Variants in ASGR1 observed in about 807,000 individuals in gnomAD.
ASGR1 encodes asialoglycoprotein receptor 1, also known as C-type lectin domain family 4 member H1.
ASGR1 carries 35 observed loss-of-function variants against 33.1 expected under a neutral mutation model. The observed-to-expected ratio is 1.06, with a 90% CI of 0.81 to 1.40. The LOEUF is 1.40. ASGR1 is among the 40% of genes most tolerant of loss of function. The pLI is 0.00. For synonymous variants in ASGR1, 142 were observed against 152.5 expected (o/e 0.93, Z 0.51); for missense variants, 396 against 373.7 (o/e 1.06, Z -0.49).
intron 5 of ASGR1, among the ~76,000 whole-genome samples, chr17:7,175,252 C>T (rs1274383694): frequency 6.7e-6 from 1 of 150,178 alleles, no homozygotes; most frequent in Non-Finnish European, 1.5e-5. Context: ...CCACAACATA[C>T]ACCCTCACAC....
intron 5 of ASGR1, 156 bp downstream of exon 5, chr17:7,176,674 A>C: frequency 1.8e-6 from 2 of 1,116,634 alleles, no homozygotes; most frequent in East Asian, 2.6e-5. Flanking sequence ...CACACCCAAA[A>C]CACACTCCCC....
chr17:7,173,985 C>T lies in ASGR1; in HGVS notation c.677G>A (p.Gly226Glu), dbSNP rs2069164300. The T allele has an allele frequency of 6.2e-7, 1 of 1,614,230 alleles. No homozygotes were observed. ...CTTGAAGCCCGTCTCGTAGTCCGTC[C>T]CGTCCACCCACTTCCAGGGCCCGTT... is the stretch of plus-strand genomic sequence containing the variant. ...DQNGPWKWVD[G>E]TDYETGFKNW... is the part of the protein sequence containing the mutation. The change falls in exon 8 of 9, where the codon GGG becomes GAG. Residue 226 changes from glycine (G) to glutamate (E), a missense_variant. Transcript: ENST00000269299. This position sits in a 1 kb window ranked among gnomAD's most constrained non-coding sequence, Gnocchi z 4.7.
intron 2 of ASGR1, chr17:7,178,271 G>A: frequency 1.8e-6 from 1 of 563,266 alleles, no homozygotes. Context: ...CGAGGGCCAG[G>A]AGGCACAGGA....
intron 5 of ASGR1, 49 bp from the exon 6 acceptor site, chr17:7,174,509 G>A (rs2069171723): frequency 1.3e-6 from 2 of 1,570,586 alleles, no homozygotes; most frequent in Admixed American, 1.9e-5. Flanking sequence ...GAAACCACGG[G>A]GAGGGAAACG....
chr17:7,178,622 G>A (rs1156788249), intron 1 of ASGR1, 34 bp from the exon 2 acceptor site: 14 of 1,514,988 alleles, frequency 9.2e-6, no homozygotes, highest in Non-Finnish European at 1.2e-5. Context: ...CTGAGGTGGG[G>A]GCTCACCAGG....
chr17:7,176,241 A>C lies in ASGR1; in HGVS notation c.355+589T>G, dbSNP rs1206270835. 2.2e-5 allele frequency among the ~76,000 whole-genome samples: 3 copies of C among 139,142 alleles called. No individual in the cohort carries two copies. The East Asian group carries it at 6.4e-4, about 30-fold the overall frequency. 91.3% of individuals were successfully genotyped at this position (139,142 alleles called of 152,430 possible). On this transcript the variant is annotated intron_variant, in intron 5 of 8. Coordinates refer to ENST00000269299, the MANE Select transcript of ASGR1 (RefSeq NM_001671.5). ...CACAAACACACACACACTCACAGACACACACACCCCATCTCATTCTCACAC... is the reference window on the plus strand; with the variant it reads ...CACAAACACACACACACTCACAGACCCACACACCCCATCTCATTCTCACAC...
At chr17:7,176,238 GACAC>G (rs558963395) in intron 5 of ASGR1, among the ~76,000 whole-genome samples, 174 of 85,374 alleles carry the variant, frequency 2.0e-3, no homozygotes, top group Middle Eastern at 0.012. Context: ...CACACTCACA[GACAC>G]ACACACCCCA....
rs775349405 is a variant in ASGR1 at position 7,176,856 on chromosome 17, T to C, written c.329A>G (p.Glu110Gly). 14 of 1,612,788 alleles carry C rather than the reference T, an allele frequency of 8.7e-6. No individual in the cohort carries two copies. The highest frequency in any genetic ancestry group is 1.1e-5 in the Non-Finnish European group (13 of 1,179,960). Residue 110 changes from glutamate to glycine, a missense_variant, in exon 5 of 9, where the codon GAG (glutamate) becomes GGG (glycine). By Grantham distance (98) the Glu-to-Gly change is moderately conservative. Transcript: ENST00000269299. The part of the protein sequence containing the change: ...RKMKSLESQL[E>G]KQQKDLSEDH... ...TTCACTCAGGTCCTTCTGCTGTTTC[T>C]CCAGCTGGGACTCTAGCGACTTCAT...
chr17:7,176,778 ATT>A, intron 5 of ASGR1, 50 bp downstream of exon 5: 1 of 1,576,330 alleles, frequency 6.3e-7, no homozygotes, highest in Non-Finnish European at 8.6e-7. Context: ...ACATCCACAC[ATT>A]CTCACTCTCT....
chr17:7,178,539 G>C lies in ASGR1; in HGVS notation c.25C>G (p.Gln9Glu), dbSNP rs945575966. 8.7e-6 allele frequency: 14 copies of C among 1,614,034 alleles called. No homozygotes were observed. Among genetic ancestry groups the C allele is most frequent in the Non-Finnish European group, 1.2e-5 (14 of 1,179,986 alleles). The stretch of plus-strand genomic sequence containing the variant: ...TCACTCTCCTCATTGTCCAGATGCT[G>C]AAGGTCTTGATACTCCTTGGTCATG... The part of the protein sequence containing the change: MTKEYQDL[Q>E]HLDNEESDHH... The change falls in exon 2 of 9, where the codon CAG becomes GAG. Residue 9 changes from glutamine to glutamate, a missense_variant. Gln to Glu is a conservative substitution (Grantham distance 29, BLOSUM62 2). Coordinates refer to ENST00000269299, the MANE Select transcript of ASGR1 (RefSeq NM_001671.5).
intron 2 of ASGR1, chr17:7,177,629 T>G: frequency 3.3e-6 from 1 of 298,864 alleles, no homozygotes. Context: ...GTCCACCCCC[T>G]CCTCCCGCGC....
chr17:7,177,580 T>C (rs2069233132), intron 2 of ASGR1: 1 of 430,674 alleles, frequency 2.3e-6, no homozygotes, highest in Non-Finnish European at 4.1e-6. Context: ...TGACACCTAA[T>C]GGCATGACTG....
At chr17:7,176,396 ACCT>A (rs888589030) in intron 5 of ASGR1, among the ~76,000 whole-genome samples, 14 of 139,208 alleles carry the variant, frequency 1.0e-4, no homozygotes, top group African/African-American at 3.8e-4. Context: ...ACTCACACAC[ACCT>A]CATTATCACA....
At chr17:7,175,969 C>G (rs1423539164) in intron 5 of ASGR1, among the ~76,000 whole-genome samples, 2 of 150,702 alleles carry the variant, frequency 1.3e-5, no homozygotes, top group Non-Finnish European at 3.0e-5. Flanking sequence ...CACATACACA[C>G]GTTCTCACAC....
intron 5 of ASGR1, chr17:7,176,527 CCA>C (rs57702147): frequency 3.1e-4 from 129 of 415,260 alleles, no homozygotes; most frequent in South Asian, 8.8e-4. Context: ...CCTCTCATTC[CCA>C]CACACACACC....
Position 7,173,543 on chromosome 17 carries a change from C to A in ASGR1, c.*116G>T. ...CTCACCTTCGGAACATCACCCTATC[C>A]TTCCCCTTCCCTTAAAATCCTAGAT... On this transcript the variant is annotated 3_prime_UTR_variant, in exon 9 of 9. Transcript: ENST00000269299. This position sits in a 1 kb window ranked among gnomAD's most constrained non-coding sequence, Gnocchi z 4.7. The A allele has an allele frequency of 1.4e-6, 2 of 1,401,898 alleles. No homozygotes were observed. Among genetic ancestry groups the A allele is most frequent in the Admixed American group, 2.0e-5 (1 of 48,858 alleles). The allele number at this position is 1,401,898 out of a possible 1,614,324, so 86.8% of individuals were successfully genotyped here. A position where few individuals can be genotyped will look rare whatever the true frequency, so the allele number is the denominator to read the frequency against.
At position 7,173,907 on chromosome 17, in the gene ASGR1, G is replaced by A; in HGVS notation, c.701+54C>T. On this transcript the variant is annotated intron_variant, in intron 8 of 8. Coordinates refer to ENST00000269299, the MANE Select transcript of ASGR1 (RefSeq NM_001671.5). The surrounding 1 kb of genome is among the most constrained non-coding windows in gnomAD (Gnocchi z 4.7). ...GGTCGCTCCAGACTCCTCAGCCCAG[G>A]GCCCCAGGGCGCGAAGGCGGCCGGA... The A allele has an allele frequency of 6.2e-7, 1 of 1,611,512 alleles. No individual in the cohort carries two copies. Among genetic ancestry groups the A allele is most frequent in the Non-Finnish European group, 8.5e-7 (1 of 1,179,210 alleles).
At chr17:7,175,517 T>C (rs2069187600) in intron 5 of ASGR1, among the ~76,000 whole-genome samples, 1 of 149,610 alleles carries the variant, frequency 6.7e-6, no homozygotes, top group Non-Finnish European at 1.5e-5. Context: ...AACACACATA[T>C]ACTCTTTCAC....
chr17:7,174,359 G>C lies in ASGR1; in HGVS notation c.442+15C>G. 1 of 1,613,984 alleles carries C rather than the reference G, an allele frequency of 6.2e-7. No individual in the cohort carries two copies. Among genetic ancestry groups the C allele is most frequent in the Non-Finnish European group, 8.5e-7 (1 of 1,179,954 alleles). On this transcript the variant is annotated intron_variant, in intron 6 of 8. Coordinates refer to ENST00000269299, the MANE Select transcript of ASGR1 (RefSeq NM_001671.5). ...AAGGGGGGAGGCAGAGAGCGGGCCG[G>C]GCTGGCCTCCTTACCATTGCCCTGG... is the stretch of plus-strand genomic sequence containing the variant.
Sources: gnomAD v4.1 joint callset for allele counts (sites outside exome capture counted in the v4.1 genomes callset) on GRCh38, gnomAD v4.1.1 for gene constraint, Gnocchi (gnomAD v3.1) non-coding constraint, MANE v1.5 for transcripts, NCBI Gene and HGNC (gene_info 2026-07-23, HGNC 2026-07-21) for gene names.